The following PTPN12 variants were observed in gnomAD, a reference collection of about 807,000 sequenced individuals.
PTPN12 encodes the protein tyrosine-protein phosphatase non-receptor type 12.
Under a neutral mutation model 97.6 loss-of-function variants are expected in PTPN12, and 29 were observed. The observed-to-expected ratio is 0.30, with a 90% CI of 0.22 to 0.41. The LOEUF (loss-of-function observed/expected upper bound fraction) is 0.41. Ranked by LOEUF, PTPN12 falls within the 10% of genes least tolerant of loss-of-function variation. The pLI is 1.00. For synonymous variants in PTPN12, 327 were observed against 300.4 expected (o/e 1.09, Z -0.91); for missense variants, 819 against 926.0 (o/e 0.88, Z 1.50).
At chr7:77,630,797 C>T (rs1434957928) in intron 13 of PTPN12, among the ~76,000 whole-genome samples, 1 of 152,168 alleles carries the variant, frequency 6.6e-6, no homozygotes, top group Non-Finnish European at 1.5e-5. Flanking sequence ...CTACAGAAGG[C>T]CCCATACAGT....
chr7:77,569,855 T>C (rs536181267), intron 1 of PTPN12, among the ~76,000 whole-genome samples: 1 of 152,230 alleles, frequency 6.6e-6, no homozygotes, highest in East Asian at 1.9e-4. Flanking sequence ...GAGGACAAAG[T>C]TGTAGAAGTA....
chr7:77,621,717 A>G (rs1788946384), intron 12 of PTPN12, among the ~76,000 whole-genome samples: 1 of 152,156 alleles, frequency 6.6e-6, no homozygotes, highest in Non-Finnish European at 1.5e-5. Flanking sequence ...TATCATTATT[A>G]TCAAGGATTG....
At position 77,617,533 on chromosome 7, in the gene PTPN12, G is replaced by C. The variant is rs192160531; in HGVS notation, c.940-947G>C. Among the ~76,000 whole-genome samples, 27 of 152,310 alleles carry C rather than the reference G, an allele frequency of 1.8e-4. No individual in the cohort carries two copies. In the East Asian group the frequency reaches 5.0e-3, roughly 28 times the overall value. ...AGCTGTCATGATGGACATAGTAGAA[G>C]TGCCTTTTAATTAAAAACAATGATA... On this transcript the variant is annotated intron_variant, in intron 11 of 17. Transcript: ENST00000248594.
At chr7:77,586,430 C>T (rs1787693473) in intron 5 of PTPN12, among the ~76,000 whole-genome samples, 1 of 151,992 alleles carries the variant, frequency 6.6e-6, no homozygotes, top group African/African-American at 2.4e-5. Context: ...TGATAAAATA[C>T]AAGACAGGAC....
chr7:77,545,201 T>A (rs1412287578), intron 1 of PTPN12, among the ~76,000 whole-genome samples: 1 of 152,182 alleles, frequency 6.6e-6, no homozygotes, highest in African/African-American at 2.4e-5. Flanking sequence ...TCTTCAAAAA[T>A]AGTGAATTTG....
chr7:77,545,653 G>A lies in PTPN12; in HGVS notation c.99+8008G>A, dbSNP rs1475830180. The A allele has an allele frequency of 6.0e-5, 9 of 150,572 alleles. No individual in the cohort carries two copies. The South Asian group carries it at 1.9e-3, about 31-fold the overall frequency. 9.3% of individuals were successfully genotyped at this position (150,572 alleles called of 1,614,324 possible). On this transcript the variant is annotated intron_variant, in intron 1 of 17. Transcript: ENST00000248594. ...TAATTAAAAAAAAATACTTCACCTG[G>A]AAGTTTTCATCCAATTTTGTAACTT...
intron 11 of PTPN12, among the ~76,000 whole-genome samples, chr7:77,613,674 G>A (rs900705409): frequency 6.6e-6 from 1 of 151,790 alleles, no homozygotes; most frequent in African/African-American, 2.4e-5. Context: ...GGGCAACATG[G>A]CAAAACCCCG....
chr7:77,540,889 A>G (rs1209978057), intron 1 of PTPN12, among the ~76,000 whole-genome samples: 1 of 152,218 alleles, frequency 6.6e-6, no homozygotes, highest in Admixed American at 6.5e-5. Flanking sequence ...AGCTGATATA[A>G]CTGTTCCATC....
intron 8 of PTPN12, among the ~76,000 whole-genome samples, chr7:77,604,599 T>C (rs571896074): frequency 1.3e-5 from 2 of 152,330 alleles, no homozygotes; most frequent in African/African-American, 4.8e-5. Context: ...TTTTCCTGTC[T>C]TCTGCCTGTT....
intron 14 of PTPN12, among the ~76,000 whole-genome samples, chr7:77,633,270 T>TA (rs11448612): frequency 0.42 from 62,888 of 148,762 alleles, 14,339 homozygotes; most frequent in East Asian, 0.74. Flanking sequence ...AACTCCATCT[T>TA]AAAAAAAAAA....
intron 8 of PTPN12, among the ~76,000 whole-genome samples, chr7:77,606,554 G>A (rs1039606668): frequency 4.4e-5 from 4 of 90,760 alleles, no homozygotes; most frequent in African/African-American, 6.4e-5. Flanking sequence ...GAGCCACTGC[G>A]CCCAACCCCT....
At chr7:77,607,552 G>C (rs1354363380) in intron 9 of PTPN12, among the ~76,000 whole-genome samples, 1 of 152,112 alleles carries the variant, frequency 6.6e-6, no homozygotes, top group East Asian at 1.9e-4. Flanking sequence ...GGGGAACATA[G>C]GGAGACCCCC....
chr7:77,611,980 GA>G (rs1429940264), intron 11 of PTPN12, among the ~76,000 whole-genome samples: 1 of 139,916 alleles, frequency 7.1e-6, no homozygotes, highest in Non-Finnish European at 1.5e-5. Context: ...AAGGTGCTGA[GA>G]TTTTTTTTTT....
At chr7:77,616,757 C>T (rs1323595584) in intron 11 of PTPN12, among the ~76,000 whole-genome samples, 1 of 151,996 alleles carries the variant, frequency 6.6e-6, no homozygotes, top group Non-Finnish European at 1.5e-5. Flanking sequence ...AAATAATAAG[C>T]AGATGATCAA....
intron 1 of PTPN12, among the ~76,000 whole-genome samples, chr7:77,559,999 G>A (rs929555895): frequency 6.6e-6 from 1 of 152,204 alleles, no homozygotes. Flanking sequence ...CCTCATTAGA[G>A]CAGGGATTTT....
chr7:77,596,839 G>A (rs1004359558), intron 6 of PTPN12, among the ~76,000 whole-genome samples: 8 of 152,148 alleles, frequency 5.3e-5, no homozygotes, highest in Non-Finnish European at 1.0e-4. Context: ...TACCAGAGCA[G>A]TCTCTTTGTT....
chr7:77,606,482 G>A (rs1293454971), intron 8 of PTPN12, among the ~76,000 whole-genome samples: 6 of 150,836 alleles, frequency 4.0e-5, no homozygotes, highest in African/African-American at 1.5e-4. Context: ...CTGCAGCCTC[G>A]ACCTCCCAGG....
chr7:77,560,510 A>G (rs1207866375), intron 1 of PTPN12, among the ~76,000 whole-genome samples: 1 of 152,176 alleles, frequency 6.6e-6, no homozygotes, highest in East Asian at 1.9e-4. Context: ...TAGAAAGCTA[A>G]AACTCTGTTC....
At chr7:77,569,212 A>C (rs1808375383) in intron 1 of PTPN12, among the ~76,000 whole-genome samples, 1 of 152,220 alleles carries the variant, frequency 6.6e-6, no homozygotes, top group East Asian at 1.9e-4. Context: ...ATGTACAAGC[A>C]AATGCAAATG....
Sources: gnomAD v4.1 joint callset for allele counts (sites outside exome capture counted in the v4.1 genomes callset) on GRCh38, gnomAD v4.1.1 for gene constraint, MANE v1.5 for transcripts, NCBI Gene and HGNC (gene_info 2026-07-23, HGNC 2026-07-21) for gene names.